Variants in NARS2 observed in about 807,000 individuals in gnomAD.
NARS2 encodes the protein asparaginyl-tRNA synthetase 2, mitochondrial.
NARS2 carries 60 observed loss-of-function variants against 62.9 expected under a neutral mutation model. The observed-to-expected ratio is 0.95, with a 90% CI of 0.77 to 1.18. The LOEUF (loss-of-function observed/expected upper bound fraction) is 1.18. Ranked by LOEUF, NARS2 falls within the 50% of genes most tolerant of loss-of-function variation. The pLI is 0.00. For synonymous variants in NARS2, 196 were observed against 200.0 expected (o/e 0.98, Z 0.17); for missense variants, 619 against 576.4 (o/e 1.07, Z -0.76).
chr11:78,498,419 T>C (rs1448202890), intron 6 of NARS2, among the ~76,000 whole-genome samples: 2 of 152,206 alleles, frequency 1.3e-5, no homozygotes, highest in African/African-American at 2.4e-5. Context: ...AAGTTACCCC[T>C]AGAACCTTTA....
intron 5 of NARS2, among the ~76,000 whole-genome samples, chr11:78,542,363 A>C (rs561814866): frequency 1.3e-5 from 2 of 152,374 alleles, no homozygotes; most frequent in African/African-American, 4.8e-5. Flanking sequence ...GGAGATAAAC[A>C]CAAATGTAAA....
rs1011188425 is a variant in NARS2 at position 78,553,144 on chromosome 11, C to T, written c.594+6395G>A. ...TGTTATTTTTTTATTTTTTAATTAT[C>T]GCCACTGACTGGTGTGAGATGGTAT... On this transcript the variant is annotated intron_variant, in intron 5 of 13. Transcript: ENST00000281038. Among the ~76,000 whole-genome samples, 10 of 152,100 alleles carry T rather than the reference C, an allele frequency of 6.6e-5. No individual in the cohort carries two copies. The South Asian group carries it at 1.2e-3, about 19-fold the overall frequency.
chr11:78,455,970 T>C lies in NARS2; in HGVS notation c.1164+9906A>G, dbSNP rs550297476. Among the ~76,000 whole-genome samples the C allele has an allele frequency of 5.3e-5, 8 of 152,220 alleles. No individual in the cohort carries two copies. The East Asian group carries it at 1.5e-3, about 29-fold the overall frequency. ...CAATAATAGATGTCAATTTGGAACG[T>C]CAAAAATTTAATCTTTGTTAATCTT... On this transcript the variant is annotated intron_variant, in intron 11 of 13. Coordinates refer to ENST00000281038, the MANE Select transcript of NARS2 (RefSeq NM_024678.6).
At chr11:78,554,508 CGT>C (rs71046981) in intron 5 of NARS2, among the ~76,000 whole-genome samples, 16 of 146,988 alleles carry the variant, frequency 1.1e-4, no homozygotes, top group East Asian at 8.0e-4. Context: ...GGCGTGTGTG[CGT>C]GTGTGTGTGT....
At chr11:78,559,481 C>G in intron 5 of NARS2, 58 bp downstream of exon 5, 1 of 1,106,178 alleles carries the variant, frequency 9.0e-7, no homozygotes, top group Non-Finnish European at 1.4e-6. Flanking sequence ...AATTTCAAAC[C>G]CTCAAATGAA....
At chr11:78,558,095 T>G (rs545697508) in intron 5 of NARS2, among the ~76,000 whole-genome samples, 6 of 152,258 alleles carry the variant, frequency 3.9e-5, no homozygotes, top group Non-Finnish European at 5.9e-5. Context: ...GGCTTCACTA[T>G]GCAGAAAATT....
chr11:78,475,783 TAG>T (rs968768137), intron 9 of NARS2, among the ~76,000 whole-genome samples: 17 of 152,032 alleles, frequency 1.1e-4, no homozygotes, highest in African/African-American at 4.1e-4. Context: ...TTATTTTTTG[TAG>T]AGACAGGGTC....
At chr11:78,488,512 C>T (rs1859675540) in intron 7 of NARS2, among the ~76,000 whole-genome samples, 1 of 152,150 alleles carries the variant, frequency 6.6e-6, no homozygotes, top group Admixed American at 6.5e-5. Flanking sequence ...CTGCTGACAC[C>T]TTTTAGCAGT....
Position 78,543,815 on chromosome 11 carries a change from G to A in NARS2, c.595-14879C>T, listed in dbSNP as rs528639322. On this transcript the variant is annotated intron_variant, in intron 5 of 13. Transcript: ENST00000281038. Reference sequence around the variant, plus strand: ...TGGGAGGCCAAGGCGGGCAGACCACGAGGTCAAGAGATTGAGACCATCCTG... The same window carrying A: ...TGGGAGGCCAAGGCGGGCAGACCACAAGGTCAAGAGATTGAGACCATCCTG... 5.7e-4 allele frequency among the ~76,000 whole-genome samples: 87 copies of A among 151,954 alleles called. 1 individual carries two copies. Among genetic ancestry groups the A allele is most frequent in the South Asian group, 8.3e-4 (4 of 4,822 alleles).
rs765418417 is a variant in NARS2 at position 78,559,525 on chromosome 11, G to C, written c.594+14C>G. Reference sequence around the variant, plus strand: ...AACAGCAATGTACCCCTCAAGATGGGAAGCAAAACTTACTTCAAGTTGAAA... The same window carrying C: ...AACAGCAATGTACCCCTCAAGATGGCAAGCAAAACTTACTTCAAGTTGAAA... On this transcript the variant is annotated intron_variant, in intron 5 of 13. Coordinates refer to ENST00000281038, the MANE Select transcript of NARS2 (RefSeq NM_024678.6). The C allele has an allele frequency of 3.8e-6, 6 of 1,565,602 alleles. No individual in the cohort carries two copies. Among genetic ancestry groups the C allele is most frequent in the African/African-American group, 1.4e-5 (1 of 73,822 alleles).
At chr11:78,544,018 C>CAAAT (rs769379913) in intron 5 of NARS2, among the ~76,000 whole-genome samples, 2 of 73,918 alleles carry the variant, frequency 2.7e-5, no homozygotes, top group Non-Finnish European at 4.7e-5. Context: ...GACTCTGTCT[C>CAAAT]AAAAAAAAAA....
intron 11 of NARS2, among the ~76,000 whole-genome samples, chr11:78,452,400 T>G (rs1858002594): frequency 6.6e-6 from 1 of 151,986 alleles, no homozygotes; most frequent in Non-Finnish European, 1.5e-5. Context: ...AGCCACCGTG[T>G]CTGGCCGATT....
chr11:78,441,039 C>A (rs961755695), intron 13 of NARS2, 52 bp downstream of exon 13: 4 of 1,558,380 alleles, frequency 2.6e-6, no homozygotes, highest in Admixed American at 3.5e-5. Flanking sequence ...CGCTTCTAGG[C>A]AACAGTCAGA....
chr11:78,478,523 A>G (rs752583600), intron 8 of NARS2, 48 bp from the exon 9 acceptor site: 20 of 1,257,452 alleles, frequency 1.6e-5, no homozygotes, highest in Non-Finnish European at 2.2e-5. Context: ...AATTTTATTC[A>G]TTATGTATAA....
chr11:78,444,563 CA>C (rs1158518140), intron 11 of NARS2, among the ~76,000 whole-genome samples: 1 of 151,592 alleles, frequency 6.6e-6, no homozygotes, highest in Non-Finnish European at 1.5e-5. Flanking sequence ...TACTAAAATA[CA>C]AAAAATTAAC....
At chr11:78,543,923 C>T (rs901899155) in intron 5 of NARS2, among the ~76,000 whole-genome samples, 2 of 143,924 alleles carry the variant, frequency 1.4e-5, no homozygotes, top group Non-Finnish European at 3.0e-5. Context: ...CCCAGCTACT[C>T]GGGAGGCTGA....
chr11:78,569,577 G>C (rs1275034260), intron 2 of NARS2, among the ~76,000 whole-genome samples: 4 of 152,034 alleles, frequency 2.6e-5, no homozygotes, highest in Non-Finnish European at 2.9e-5. Flanking sequence ...AATAAGTCAG[G>C]AGATTCTCCA....
intron 10 of NARS2, 122 bp from the exon 11 acceptor site, chr11:78,466,135 CTAGCTG>C: frequency 9.1e-6 from 9 of 992,224 alleles, no homozygotes; most frequent in Non-Finnish European, 1.3e-5. Context: ...ATGTGTGGAG[CTAGCTG>C]CTAAGGTTAC....
intron 11 of NARS2, among the ~76,000 whole-genome samples, chr11:78,456,106 C>G (rs1858154881): frequency 6.6e-6 from 1 of 152,110 alleles, no homozygotes; most frequent in Admixed American, 6.5e-5. Flanking sequence ...CCCTAAATGT[C>G]TTTTCCTTGC....
Sources: gnomAD v4.1 joint callset for allele counts (sites outside exome capture counted in the v4.1 genomes callset) on GRCh38, gnomAD v4.1.1 for gene constraint, MANE v1.5 for transcripts, NCBI Gene and HGNC (gene_info 2026-07-23, HGNC 2026-07-21) for gene names.